The following LRP1B variants were observed in gnomAD, a reference collection of about 807,000 sequenced individuals.
LRP1B encodes the protein low-density lipoprotein receptor-related protein 1B.
LRP1B carries 217 observed loss-of-function variants against 556.6 expected under a neutral mutation model. The ratio of observed to expected loss-of-function variants is 0.39; its 90% CI spans 0.35 to 0.44. The LOEUF is 0.44. LRP1B is among the 20% of genes least tolerant of loss of function. The pLI is 1.00. For synonymous variants in LRP1B, 2,047 were observed against 1,865.8 expected, an observed-to-expected ratio of 1.10 and a Z score of -2.50; for missense variants, 5,053 against 5,620.8, an observed-to-expected ratio of 0.90 and a Z score of 3.23.
chr2:140,971,996 T>G (rs1161814826), intron 18 of LRP1B, among the ~76,000 whole-genome samples: 2 of 152,154 alleles, frequency 1.3e-5, no homozygotes, highest in South Asian at 2.1e-4. Context: ...AAGCAAGAAA[T>G]TGGGGAAATG....
chr2:141,193,201 C>A (rs1280130357), intron 6 of LRP1B, among the ~76,000 whole-genome samples: 3 of 151,944 alleles, frequency 2.0e-5, no homozygotes, highest in Non-Finnish European at 4.4e-5. Context: ...AAAAGCAGAA[C>A]TACCATTTAA....
chr2:141,373,733 CT>C (rs1302646717), intron 3 of LRP1B, among the ~76,000 whole-genome samples: 1 of 151,882 alleles, frequency 6.6e-6, no homozygotes, highest in Non-Finnish European at 1.5e-5. Flanking sequence ...TTATGAGTAT[CT>C]TTCAAGTGTA....
chr2:141,759,627 T>C (rs73963598), intron 2 of LRP1B, among the ~76,000 whole-genome samples: 5,884 of 152,234 alleles, frequency 0.039, 363 homozygotes, highest in African/African-American at 0.13. Flanking sequence ...AGATAACCAG[T>C]CTTAGACGTA....
chr2:142,117,653 GTGTA>G (rs1707321255), intron 1 of LRP1B, among the ~76,000 whole-genome samples: 1 of 152,012 alleles, frequency 6.6e-6, no homozygotes, highest in Non-Finnish European at 1.5e-5. Flanking sequence ...GAGAGAGTCT[GTGTA>G]TGTGTTTTCT....
intron 2 of LRP1B, among the ~76,000 whole-genome samples, chr2:141,631,632 CT>C (rs1304854128): frequency 6.6e-6 from 1 of 150,380 alleles, no homozygotes; most frequent in Non-Finnish European, 1.5e-5. Flanking sequence ...GGAAGTTCCT[CT>C]TTTTTAACCC....
In LRP1B at chr2:140,392,458, T is replaced by C. The variant is rs186207996; in HGVS notation, c.10415-6449A>G. 3.1e-3 allele frequency among the ~76,000 whole-genome samples: 474 copies of C among 152,170 alleles called. 4 individuals are homozygous for C. The highest frequency in any genetic ancestry group is 0.011 in the African/African-American group (462 of 41,526). ...GCAGATTCAATGACCTAGACTAAATTGTGTGATCAGTGCAAGGATTCAAAA... is the reference window on the plus strand; with the variant it reads ...GCAGATTCAATGACCTAGACTAAATCGTGTGATCAGTGCAAGGATTCAAAA... On this transcript the variant is annotated intron_variant, in intron 66 of 90. Coordinates refer to ENST00000389484, the MANE Select transcript of LRP1B (RefSeq NM_018557.3).
chr2:140,796,743 G>A (rs1690329541), intron 32 of LRP1B, among the ~76,000 whole-genome samples: 2 of 152,008 alleles, frequency 1.3e-5, no homozygotes, highest in South Asian at 4.1e-4. Flanking sequence ...TTTGAAAGCA[G>A]AATCACCTAA....
chr2:141,935,522 T>C (rs970073447), intron 1 of LRP1B, among the ~76,000 whole-genome samples: 1 of 152,076 alleles, frequency 6.6e-6, no homozygotes, highest in South Asian at 2.1e-4. Flanking sequence ...AAGGAAAATA[T>C]AGAATCTTGT....
chr2:141,841,500 T>C (rs1012018377), intron 1 of LRP1B, among the ~76,000 whole-genome samples: 1 of 152,218 alleles, frequency 6.6e-6, no homozygotes, highest in East Asian at 1.9e-4. Flanking sequence ...TGGATCTGAA[T>C]AAATGTCCTC....
At chr2:141,678,511 T>C (rs1690973747) in intron 2 of LRP1B, among the ~76,000 whole-genome samples, 1 of 152,084 alleles carries the variant, frequency 6.6e-6, no homozygotes, top group African/African-American at 2.4e-5. Flanking sequence ...AATTTGACAA[T>C]ATGAAAATCA....
intron 1 of LRP1B, among the ~76,000 whole-genome samples, chr2:141,865,467 C>T (rs1698379104): frequency 6.7e-6 from 1 of 149,202 alleles, no homozygotes; most frequent in African/African-American, 2.4e-5. Context: ...TGGCGGGCGC[C>T]TGTAGTCCCA....
intron 3 of LRP1B, among the ~76,000 whole-genome samples, chr2:141,371,292 C>T (rs185200015): frequency 1.3e-3 from 200 of 152,200 alleles, no homozygotes; most frequent in African/African-American, 4.6e-3. Flanking sequence ...TTAGTATTAT[C>T]TGAAGTCAGA....
intron 2 of LRP1B, among the ~76,000 whole-genome samples, chr2:141,735,119 T>C (rs746588078): frequency 2.7e-5 from 4 of 146,380 alleles, no homozygotes; most frequent in African/African-American, 1.0e-4. Context: ...TCCCCTATGC[T>C]TGGAGGGTTT....
At chr2:141,555,217 A>G (rs1685918314) in intron 2 of LRP1B, among the ~76,000 whole-genome samples, 1 of 152,000 alleles carries the variant, frequency 6.6e-6, no homozygotes, top group South Asian at 2.1e-4. Context: ...CTTCTTAAGT[A>G]CAAACAAGGA....
chr2:141,231,774 C>G (rs978595257), intron 5 of LRP1B, among the ~76,000 whole-genome samples: 1 of 152,138 alleles, frequency 6.6e-6, no homozygotes, highest in Non-Finnish European at 1.5e-5. Flanking sequence ...GAAATTCTCT[C>G]AAGTCATAGG....
chr2:140,774,822 T>G (rs1302420123), intron 33 of LRP1B, among the ~76,000 whole-genome samples: 1 of 152,168 alleles, frequency 6.6e-6, no homozygotes, highest in African/African-American at 2.4e-5. Flanking sequence ...GAATTGCTAG[T>G]GAAAAATATC....
chr2:141,205,865 T>C (rs1463030134), intron 6 of LRP1B, among the ~76,000 whole-genome samples: 1 of 152,174 alleles, frequency 6.6e-6, no homozygotes, highest in African/African-American at 2.4e-5. Context: ...AAAACCTGCA[T>C]TTGTATGTCA....
At chr2:141,485,940 C>T (rs994288706) in intron 2 of LRP1B, among the ~76,000 whole-genome samples, 13 of 152,108 alleles carry the variant, frequency 8.5e-5, no homozygotes, top group African/African-American at 3.1e-4. Context: ...TCTGTAGTGA[C>T]TGAATCATGA....
At chr2:140,400,916 G>C (rs1607390) in intron 66 of LRP1B, among the ~76,000 whole-genome samples, 1 of 152,076 alleles carries the variant, frequency 6.6e-6, no homozygotes, top group Admixed American at 6.5e-5. Context: ...AACTGATTTA[G>C]AGAGTGGTAA....
Sources: gnomAD v4.1 joint callset for allele counts (sites outside exome capture counted in the v4.1 genomes callset) on GRCh38, gnomAD v4.1.1 for gene constraint, MANE v1.5 for transcripts, NCBI Gene and HGNC (gene_info 2026-07-23, HGNC 2026-07-21) for gene names.